DLGAP1: variants seen among roughly 807,000 people sequenced by gnomAD.
DLGAP1 encodes the protein disks large-associated protein 1.
Under a neutral mutation model 90.8 loss-of-function variants are expected in DLGAP1, and 11 were observed. That is an observed-to-expected ratio of 0.12 (90% CI 0.08 to 0.20). DLGAP1 has a LOEUF of 0.20. Ranked by LOEUF, DLGAP1 falls within the 10% of genes least tolerant of loss-of-function variation. The pLI is 1.00. For missense variants in DLGAP1, 1,050 were observed against 1,333.8 expected, an observed-to-expected ratio of 0.79 and a Z score of 3.31; for synonymous variants, 558 against 540.7, an observed-to-expected ratio of 1.03 and a Z score of -0.44.
intron 1 of DLGAP1, among the ~76,000 whole-genome samples, chr18:4,194,167 G>A (rs902194916): frequency 1.3e-5 from 2 of 151,968 alleles, no homozygotes; most frequent in Admixed American, 6.6e-5. Context: ...ATTCCCTTCC[G>A]CACCAGTAGA....
chr18:3,628,521 C>T (rs1051923739), intron 7 of DLGAP1, among the ~76,000 whole-genome samples: 15 of 152,038 alleles, frequency 9.9e-5, no homozygotes, highest in Admixed American at 6.6e-4. Context: ...ATGAAGATTC[C>T]GAAACCACCA....
intron 5 of DLGAP1, among the ~76,000 whole-genome samples, chr18:3,785,626 T>C (rs2065412370): frequency 1.3e-5 from 2 of 152,128 alleles, no homozygotes; most frequent in Non-Finnish European, 2.9e-5. Flanking sequence ...AAATGGAATT[T>C]GGATTTTGAA....
intron 5 of DLGAP1, among the ~76,000 whole-genome samples, chr18:3,801,055 C>T (rs989484360): frequency 3.9e-5 from 6 of 152,110 alleles, no homozygotes; most frequent in South Asian, 2.1e-4. Flanking sequence ...GCATGACACA[C>T]GGTGAGAGCA....
chr18:4,169,710 C>T (rs576640307), intron 1 of DLGAP1, among the ~76,000 whole-genome samples: 5 of 152,304 alleles, frequency 3.3e-5, no homozygotes, highest in Admixed American at 6.5e-5. Context: ...ACATCTTTAA[C>T]GTTCTACTTG....
At chr18:4,289,008 T>C (rs2079779007) in intron 1 of DLGAP1, among the ~76,000 whole-genome samples, 1 of 152,100 alleles carries the variant, frequency 6.6e-6, no homozygotes. Flanking sequence ...TACTCTATTG[T>C]GTGAAGTGTC....
At chr18:3,911,483 A>G (rs1018338058) in intron 3 of DLGAP1, among the ~76,000 whole-genome samples, 2 of 152,150 alleles carry the variant, frequency 1.3e-5, no homozygotes, top group Non-Finnish European at 2.9e-5. Flanking sequence ...TATTCCCTAG[A>G]CTCTGTCAGT....
intron 11 of DLGAP1, among the ~76,000 whole-genome samples, chr18:3,505,839 C>G (rs905884189): frequency 1.1e-4 from 17 of 152,114 alleles, no homozygotes; most frequent in African/African-American, 3.1e-4. Context: ...ATGAGAAGCA[C>G]ATTTTACCAC....
At chr18:3,764,270 T>A (rs2064112837) in intron 5 of DLGAP1, among the ~76,000 whole-genome samples, 1 of 152,218 alleles carries the variant, frequency 6.6e-6, no homozygotes, top group Non-Finnish European at 1.5e-5. Flanking sequence ...TACCCTCCCA[T>A]AAGCATGTCA....
chr18:3,735,468 C>T (rs771559867), intron 6 of DLGAP1, among the ~76,000 whole-genome samples: 23 of 152,158 alleles, frequency 1.5e-4, no homozygotes, highest in Non-Finnish European at 2.9e-4. Context: ...CATGATCCAT[C>T]CAACTGAGGC....
intron 3 of DLGAP1, among the ~76,000 whole-genome samples, chr18:3,916,498 C>A (rs991251455): frequency 1.3e-5 from 2 of 152,162 alleles, no homozygotes; most frequent in African/African-American, 2.4e-5. Context: ...ATAGTCATAA[C>A]CTATATGACT....
intron 5 of DLGAP1, chr18:3,769,955 T>C (rs1405374372): frequency 1.3e-5 from 2 of 152,084 alleles, no homozygotes; most frequent in Admixed American, 6.5e-5. Context: ...CAAAATAAAA[T>C]TTTAATTAAA....
chr18:3,557,409 C>G (rs2053819874), intron 9 of DLGAP1, among the ~76,000 whole-genome samples: 1 of 152,074 alleles, frequency 6.6e-6, no homozygotes, highest in Non-Finnish European at 1.5e-5. Flanking sequence ...GTAGTCCCAT[C>G]TACTCGGGAG....
intron 7 of DLGAP1, among the ~76,000 whole-genome samples, chr18:3,703,575 G>GT (rs1367222004): frequency 2.6e-5 from 4 of 152,156 alleles, no homozygotes; most frequent in African/African-American, 9.7e-5. Context: ...TTGTCCACTT[G>GT]TTTCTTTTTA....
chr18:3,830,656 C>A (rs1358322985), intron 4 of DLGAP1, among the ~76,000 whole-genome samples: 3 of 152,150 alleles, frequency 2.0e-5, no homozygotes, highest in Non-Finnish European at 4.4e-5. Context: ...TAATGCCCGG[C>A]CTTGATAAAA....
chr18:4,094,607 CTT>C (rs35060422), intron 2 of DLGAP1, among the ~76,000 whole-genome samples: 36 of 124,814 alleles, frequency 2.9e-4, no homozygotes, highest in African/African-American at 5.2e-4. Context: ...CTTTCTCTTT[CTT>C]TTTTTTTTTT....
intron 2 of DLGAP1, among the ~76,000 whole-genome samples, chr18:4,033,753 T>A (rs2074838222): frequency 6.6e-6 from 1 of 151,654 alleles, no homozygotes; most frequent in South Asian, 2.1e-4. Context: ...TTTTTTTTTT[T>A]TTTTGAGACA....
At chr18:3,618,531 GT>G (rs1437983086) in intron 7 of DLGAP1, among the ~76,000 whole-genome samples, 3 of 150,680 alleles carry the variant, frequency 2.0e-5, no homozygotes, top group African/African-American at 7.3e-5. Flanking sequence ...GTTGGCACTG[GT>G]GACTGCTAGC....
chr18:4,020,925 C>T (rs1226573781), intron 2 of DLGAP1, among the ~76,000 whole-genome samples: 1 of 152,122 alleles, frequency 6.6e-6, no homozygotes, highest in Non-Finnish European at 1.5e-5. Context: ...GTGTTCTGTT[C>T]TGATGGACCA....
At chr18:4,071,225 T>C (rs2075441625) in intron 2 of DLGAP1, among the ~76,000 whole-genome samples, 1 of 76,590 alleles carries the variant, frequency 1.3e-5, no homozygotes, top group African/African-American at 4.7e-5. Context: ...TAAAACTTTA[T>C]ATAAAGATAT....
Sources: allele counts gnomAD v4.1 joint callset (sites outside exome capture counted in the v4.1 genomes callset), GRCh38; gene constraint gnomAD v4.1.1; transcripts MANE v1.5; gene names NCBI Gene and HGNC (gene_info 2026-07-23, HGNC 2026-07-21).